PINX1: variants seen among roughly 807,000 people sequenced by gnomAD.
The protein encoded by PINX1 is PIN2/TERF1-interacting telomerase inhibitor 1.
Under a neutral mutation model 25.4 loss-of-function variants are expected in PINX1, and 34 were observed. The ratio of observed to expected loss-of-function variants is 1.34; its 90% confidence interval spans 1.02 to 1.78. PINX1 has a LOEUF of 1.78. PINX1 is among the 40% of genes most tolerant of loss of function. The pLI is 0.00. For missense variants in PINX1, 592 were observed against 404.9 expected, an observed-to-expected ratio of 1.46 and a Z score of -3.97; for synonymous variants, 197 against 147.7, an observed-to-expected ratio of 1.33 and a Z score of -2.42.
At chr8:10,768,506 T>G (rs2129070441) in intron 6 of PINX1, among the ~76,000 whole-genome samples, 1 of 152,306 alleles carries the variant, frequency 6.6e-6, no homozygotes, top group South Asian at 2.1e-4. Context: ...GATGTAAGTT[T>G]AATAGGCACG....
chr8:10,806,802 G>T (rs1802466677), intron 6 of PINX1, among the ~76,000 whole-genome samples: 1 of 152,108 alleles, frequency 6.6e-6, no homozygotes, highest in African/African-American at 2.4e-5. Context: ...CAGGAGGGAG[G>T]CCAGGGCATG....
chr8:10,770,282 CTG>C (rs1464277468), intron 6 of PINX1, among the ~76,000 whole-genome samples: 2 of 152,214 alleles, frequency 1.3e-5, no homozygotes, highest in African/African-American at 4.8e-5. Flanking sequence ...TGGGCGTACA[CTG>C]TGTGTCACGA....
At chr8:10,813,847 A>G (rs1797611080) in intron 6 of PINX1, among the ~76,000 whole-genome samples, 1 of 151,796 alleles carries the variant, frequency 6.6e-6, no homozygotes, top group African/African-American at 2.4e-5. Context: ...ATAAGGCTCA[A>G]TCCGGAAACA....
intron 1 of PINX1, among the ~76,000 whole-genome samples, chr8:10,835,244 C>A (rs560210624): frequency 6.6e-6 from 1 of 152,208 alleles, no homozygotes; most frequent in Non-Finnish European, 1.5e-5. Context: ...CTGAGACCTG[C>A]TCCAAACGCT....
intron 6 of PINX1, among the ~76,000 whole-genome samples, chr8:10,814,083 C>T (rs1277242844): frequency 7.2e-5 from 11 of 152,306 alleles, no homozygotes; most frequent in African/African-American, 2.4e-5. Flanking sequence ...TCAAGGGGCC[C>T]TGGGAATCTC....
At chr8:10,806,150 A>C (rs1802444941) in intron 6 of PINX1, among the ~76,000 whole-genome samples, 1 of 144,078 alleles carries the variant, frequency 6.9e-6, no homozygotes, top group Non-Finnish European at 1.5e-5. Context: ...GTGACGGAGC[A>C]CAGGAAGGGG....
In PINX1 at chr8:10,837,701, T is replaced by G. The variant is rs181102323; in HGVS notation, c.19+2037A>C. 1.4e-4 allele frequency among the ~76,000 whole-genome samples: 22 copies of G among 152,286 alleles called. No homozygotes were observed. The East Asian group carries it at 3.1e-3, about 21-fold the overall frequency. The stretch of plus-strand genomic sequence containing the variant: ...CGGGATACTTTTGGGGCAAATCCAA[T>G]AAAAACCATCCACACAACAGCTCAA... On this transcript the variant is annotated intron_variant, in intron 1 of 6. Coordinates refer to ENST00000314787, the MANE Select transcript of PINX1 (RefSeq NM_017884.6).
chr8:10,811,394 GTA>G (rs1797517998), intron 6 of PINX1, among the ~76,000 whole-genome samples: 1 of 152,120 alleles, frequency 6.6e-6, no homozygotes, highest in African/African-American at 2.4e-5. Flanking sequence ...GTTCTACCAG[GTA>G]TATATATTTG....
At chr8:10,808,474 A>T (rs73208769) in intron 6 of PINX1, among the ~76,000 whole-genome samples, 25,531 of 152,250 alleles carry the variant, frequency 0.17, 2,556 homozygotes, top group Non-Finnish European at 0.23. Context: ...CAAGCATTTA[A>T]CACATAATCG....
In PINX1 at chr8:10,834,692, C is replaced by G; in HGVS notation, c.103G>C (p.Glu35Gln). ...TTTCCTTTAGACCACCCCATCTTCT[C>G]TAGCATCCGCTGGCCAAACTTGGAA... ...DDSKFGQRML[E>Q]KMGWSKGKGL... The change falls in exon 2 of 7, where the codon GAG becomes CAG. Residue 35 changes from glutamate (E) to glutamine (Q), a missense_variant. By Grantham distance (29) the Glu-to-Gln change is conservative. Coordinates refer to ENST00000314787, the MANE Select transcript of PINX1 (RefSeq NM_017884.6). The G allele has an allele frequency of 1.2e-6, 2 of 1,613,872 alleles. No individual in the cohort carries two copies. Among genetic ancestry groups the G allele is most frequent in the Non-Finnish European group, 1.7e-6 (2 of 1,179,820 alleles).
At position 10,831,654 on chromosome 8, in the gene PINX1, G is replaced by C. The variant is rs748713749; in HGVS notation, c.301+11C>G. On this transcript the variant is annotated intron_variant, in intron 4 of 6. Coordinates refer to ENST00000314787, the MANE Select transcript of PINX1 (RefSeq NM_017884.6). Reference sequence around the variant, plus strand: ...TTTGCATTGAGAACTTATGTCATCTGATTTCCCTACCTGTGGTTTCCTGCC... The same window carrying C: ...TTTGCATTGAGAACTTATGTCATCTCATTTCCCTACCTGTGGTTTCCTGCC... The C allele has an allele frequency of 1.3e-6, 2 of 1,565,234 alleles. No individual in the cohort carries two copies. The highest frequency in any genetic ancestry group is 2.3e-5 in the South Asian group (2 of 87,462).
At chr8:10,813,931 AG>A (rs1359893435) in intron 6 of PINX1, among the ~76,000 whole-genome samples, 3 of 151,956 alleles carry the variant, frequency 2.0e-5, no homozygotes, top group Non-Finnish European at 4.4e-5. Context: ...AAAGAGTAGC[AG>A]GAAGTTCAAC....
At position 10,802,443 on chromosome 8, in the gene PINX1, C is replaced by G. The variant is rs967212000; in HGVS notation, c.471+17750G>C. Among the ~76,000 whole-genome samples the G allele has an allele frequency of 5.7e-4, 87 of 152,184 alleles. 1 individual carries two copies. Reference sequence around the variant, plus strand: ...AGACATCAATCAAATTTGGATATCCCAGGCCTGGAATAGCTTTGTACTCCA... The same window carrying G: ...AGACATCAATCAAATTTGGATATCCGAGGCCTGGAATAGCTTTGTACTCCA... On this transcript the variant is annotated intron_variant, in intron 6 of 6. Coordinates refer to ENST00000314787, the MANE Select transcript of PINX1 (RefSeq NM_017884.6).
At chr8:10,772,923 A>C (rs1328384713) in intron 6 of PINX1, among the ~76,000 whole-genome samples, 1 of 132,100 alleles carries the variant, frequency 7.6e-6, no homozygotes, top group Non-Finnish European at 1.7e-5. Context: ...CCTAGTTTTT[A>C]ATGATTTTTT....
chr8:10,826,019 G>A (rs914683180), intron 5 of PINX1, 133 bp downstream of exon 5: 8 of 592,202 alleles, frequency 1.4e-5, no homozygotes, highest in East Asian at 8.7e-5. Context: ...AGACTCCAGC[G>A]CTGTTTCACA....
intron 1 of PINX1, among the ~76,000 whole-genome samples, chr8:10,837,946 C>T (rs1798452584): frequency 6.6e-6 from 1 of 152,216 alleles, no homozygotes; most frequent in Non-Finnish European, 1.5e-5. Flanking sequence ...CGAAAGCCTA[C>T]CGTAGGAGTA....
At chr8:10,822,394 G>A (rs1178662185) in intron 5 of PINX1, among the ~76,000 whole-genome samples, 1 of 152,188 alleles carries the variant, frequency 6.6e-6, no homozygotes. Context: ...AAACGACAAT[G>A]AAGAAAACTG....
chr8:10,800,788 C>G (rs951389018), intron 6 of PINX1, among the ~76,000 whole-genome samples: 3 of 152,198 alleles, frequency 2.0e-5, no homozygotes, highest in African/African-American at 7.2e-5. Flanking sequence ...AGTAAAATTT[C>G]TTAATGTTAC....
intron 6 of PINX1, among the ~76,000 whole-genome samples, chr8:10,779,051 C>T (rs558579489): frequency 3.3e-5 from 5 of 152,328 alleles, no homozygotes; most frequent in South Asian, 4.1e-4. Flanking sequence ...AGAAAAATTA[C>T]GCTTCCATTT....
Sources: gnomAD v4.1 joint callset for allele counts (sites outside exome capture counted in the v4.1 genomes callset) on GRCh38, gnomAD v4.1.1 for gene constraint, MANE v1.5 for transcripts, NCBI Gene and HGNC (gene_info 2026-07-23, HGNC 2026-07-21) for gene names.